The following GRIK3 variants were observed in gnomAD, a reference collection of about 807,000 sequenced individuals.
GRIK3 encodes glutamate ionotropic receptor kainate type subunit 3.
Under a neutral mutation model 102.5 loss-of-function variants are expected in GRIK3, and 29 were observed. The observed-to-expected ratio is 0.28, with a 90% CI of 0.21 to 0.39. The LOEUF is 0.39. GRIK3 is among the 10% of genes least tolerant of loss of function. The pLI is 1.00. For synonymous variants in GRIK3, 511 were observed against 504.9 expected (o/e 1.01, Z -0.16); for missense variants, 908 against 1,252.4 (o/e 0.73, Z 4.15).
intron 1 of GRIK3, among the ~76,000 whole-genome samples, chr1:37,008,430 AT>A (rs1405589875): frequency 2.0e-5 from 3 of 152,272 alleles, no homozygotes; most frequent in African/African-American, 7.2e-5. Flanking sequence ...AACAAACGCC[AT>A]GTGGGCACAG....
intron 9 of GRIK3, among the ~76,000 whole-genome samples, chr1:36,842,597 G>T (rs963824155): frequency 6.6e-6 from 1 of 152,194 alleles, no homozygotes; most frequent in Non-Finnish European, 1.5e-5. Flanking sequence ...CCAGGGGAGT[G>T]ATTACTGGTA....
intron 1 of GRIK3, among the ~76,000 whole-genome samples, chr1:36,986,544 C>A (rs1642309406): frequency 6.6e-6 from 1 of 152,110 alleles, no homozygotes; most frequent in South Asian, 2.1e-4. Flanking sequence ...TCTGTCTGTA[C>A]CAAGCCCCGG....
chr1:36,951,864 C>A (rs114626644), intron 1 of GRIK3, among the ~76,000 whole-genome samples: 1 of 150,372 alleles, frequency 6.7e-6, no homozygotes, highest in Admixed American at 6.6e-5. Flanking sequence ...GGCGGAGGGG[C>A]GGGAGGACCA....
Position 36,819,172 on chromosome 1 carries a change from A to C in GRIK3, c.1873+564T>G, listed in dbSNP as rs77312848. On this transcript the variant is annotated intron_variant, in intron 12 of 15. Coordinates refer to ENST00000373091, the MANE Select transcript of GRIK3 (RefSeq NM_000831.4). This position sits in a 1 kb window ranked among gnomAD's most constrained non-coding sequence, Gnocchi z 4.1. ...TGAAGCACTCGGGCTGAAGTCCCCAACTCAGCCATGATCCTTCCTACTCCC... is the reference window on the plus strand; with the variant it reads ...TGAAGCACTCGGGCTGAAGTCCCCACCTCAGCCATGATCCTTCCTACTCCC... Among the ~76,000 whole-genome samples the C allele has an allele frequency of 6.2e-4, 95 of 152,180 alleles. No individual in the cohort carries two copies. The highest frequency in any genetic ancestry group is 2.2e-3 in the African/African-American group (90 of 41,510).
chr1:36,901,769 A>G (rs1283291028), intron 1 of GRIK3, among the ~76,000 whole-genome samples: 1 of 152,232 alleles, frequency 6.6e-6, no homozygotes, highest in Non-Finnish European at 1.5e-5. Context: ...TTGGGGAGGA[A>G]GAAATAAAAC....
intron 7 of GRIK3, among the ~76,000 whole-genome samples, chr1:36,856,068 C>T (rs1003165286): frequency 1.3e-5 from 2 of 152,114 alleles, no homozygotes; most frequent in African/African-American, 4.8e-5. Flanking sequence ...ACCGAGGGGT[C>T]GGGAACAGAG....
At chr1:36,825,052 G>T (rs1262887042) in intron 11 of GRIK3, among the ~76,000 whole-genome samples, 1 of 152,164 alleles carries the variant, frequency 6.6e-6, no homozygotes, top group Non-Finnish European at 1.5e-5. Context: ...GCCAGGGTGC[G>T]CTATGTCTAC....
intron 1 of GRIK3, among the ~76,000 whole-genome samples, chr1:36,952,684 G>C (rs911701470): frequency 6.6e-6 from 1 of 152,198 alleles, no homozygotes; most frequent in African/African-American, 2.4e-5. Flanking sequence ...GTTTGGTGGG[G>C]CAAACAGATA....
At chr1:36,840,666 A>T (rs1464737543) in intron 10 of GRIK3, among the ~76,000 whole-genome samples, 2 of 151,954 alleles carry the variant, frequency 1.3e-5, no homozygotes, top group African/African-American at 4.8e-5. Flanking sequence ...GTTTGAGGCT[A>T]CAGTGAGCTG....
chr1:36,832,135 T>C (rs1640309095), intron 10 of GRIK3, among the ~76,000 whole-genome samples: 1 of 152,198 alleles, frequency 6.6e-6, no homozygotes, highest in Non-Finnish European at 1.5e-5. Context: ...CTGATCACAG[T>C]TGTGATTTTA....
chr1:36,963,720 G>T (rs1285886696), intron 1 of GRIK3, among the ~76,000 whole-genome samples: 1 of 152,096 alleles, frequency 6.6e-6, no homozygotes, highest in Non-Finnish European at 1.5e-5. Context: ...ACCTCTGAAG[G>T]CCCAGCTTCC....
chr1:36,985,787 C>T (rs1642297505), intron 1 of GRIK3, among the ~76,000 whole-genome samples: 4 of 152,186 alleles, frequency 2.6e-5, no homozygotes, highest in Admixed American at 6.5e-5. Context: ...TGCCACTCCC[C>T]AGAACTCCTG....
chr1:36,818,272 G>C (rs962871821), intron 12 of GRIK3, among the ~76,000 whole-genome samples: 6 of 152,226 alleles, frequency 3.9e-5, no homozygotes, highest in Admixed American at 2.0e-4. Context: ...TTACTGCATT[G>C]AGGGGCTTCC....
chr1:36,867,588 T>C (rs761871498), intron 5 of GRIK3, among the ~76,000 whole-genome samples: 1 of 152,024 alleles, frequency 6.6e-6, no homozygotes, highest in Non-Finnish European at 1.5e-5. Flanking sequence ...CTCTCTAAGG[T>C]CCTGGGCACT....
chr1:36,934,144 T>C (rs934759723), intron 1 of GRIK3, among the ~76,000 whole-genome samples: 1 of 152,104 alleles, frequency 6.6e-6, no homozygotes, highest in Non-Finnish European at 1.5e-5. Context: ...CCTGGTAGCA[T>C]TGGATGGCAC....
chr1:36,926,313 G>C (rs562078441), intron 1 of GRIK3, among the ~76,000 whole-genome samples: 1 of 152,288 alleles, frequency 6.6e-6, no homozygotes, highest in East Asian at 1.9e-4. Context: ...CAAGGCTTCA[G>C]GTGAGCTTCA....
chr1:36,971,778 T>A (rs957696469), intron 1 of GRIK3, among the ~76,000 whole-genome samples: 1 of 152,088 alleles, frequency 6.6e-6, no homozygotes, highest in Non-Finnish European at 1.5e-5. Context: ...TGCCATCTCC[T>A]CTCCAGCACA....
intron 1 of GRIK3, among the ~76,000 whole-genome samples, chr1:36,951,785 C>G (rs114103165): frequency 0.011 from 1,712 of 149,504 alleles, 35 homozygotes; most frequent in African/African-American, 0.039. Context: ...CTGAGGAAGA[C>G]GAGGAGGAGG....
At chr1:36,837,282 C>T (rs1640390975) in intron 10 of GRIK3, among the ~76,000 whole-genome samples, 1 of 152,198 alleles carries the variant, frequency 6.6e-6, no homozygotes, top group Non-Finnish European at 1.5e-5. Flanking sequence ...AATCCCAACA[C>T]ATCCCAAATG....
Sources: gnomAD v4.1 joint callset for allele counts (sites outside exome capture counted in the v4.1 genomes callset) on GRCh38, gnomAD v4.1.1 for gene constraint, Gnocchi (gnomAD v3.1) non-coding constraint, MANE v1.5 for transcripts, NCBI Gene and HGNC (gene_info 2026-07-23, HGNC 2026-07-21) for gene names.